EYS: variants seen among roughly 807,000 people sequenced by gnomAD.
EYS encodes the protein EGF-like photoreceptor maintenance factor.
A neutral mutation model predicts 282.1 loss-of-function variants in EYS; 250 were observed. That is an observed-to-expected ratio of 0.89 (90% confidence interval 0.80 to 0.98). The LOEUF is 0.98. Ranked by LOEUF, EYS falls within the 50% of genes least tolerant of loss-of-function variation. The pLI, the probability that EYS is intolerant of heterozygous loss-of-function variation, is 0.00. For missense variants in EYS, 4,016 were observed against 3,709.0 expected (o/e 1.08, Z -2.15); for synonymous variants, 1,355 against 1,282.9 (o/e 1.06, Z -1.20).
At chr6:64,330,035 A>G (rs891935903) in intron 29 of EYS, among the ~76,000 whole-genome samples, 1 of 152,178 alleles carries the variant, frequency 6.6e-6, no homozygotes, top group Non-Finnish European at 1.5e-5. Context: ...AGGAAGCACT[A>G]GCCCAGACCT....
intron 7 of EYS, among the ~76,000 whole-genome samples, chr6:65,393,782 A>G (rs1171293419): frequency 6.6e-6 from 1 of 152,086 alleles, no homozygotes; most frequent in African/African-American, 2.4e-5. Flanking sequence ...TTATGTTAAT[A>G]CATCAAATTG....
intron 26 of EYS, among the ~76,000 whole-genome samples, chr6:64,465,505 G>C (rs141024685): frequency 3.5e-3 from 535 of 152,178 alleles, no homozygotes; most frequent in Middle Eastern, 6.8e-3. Flanking sequence ...AGGAAAGAAT[G>C]ATATCTTTTA....
At chr6:65,498,698 T>C (rs1354939315) in intron 2 of EYS, among the ~76,000 whole-genome samples, 1 of 151,998 alleles carries the variant, frequency 6.6e-6, no homozygotes, top group African/African-American at 2.4e-5. Context: ...ATTAAGTCAA[T>C]GTATATCTAT....
intron 29 of EYS, among the ~76,000 whole-genome samples, chr6:64,349,154 C>A (rs1310018873): frequency 1.3e-5 from 2 of 151,324 alleles, no homozygotes; most frequent in Admixed American, 6.6e-5. Context: ...ATAAGAATAA[C>A]TGCATTGTAG....
chr6:64,219,542 T>C (rs915226588), intron 31 of EYS, among the ~76,000 whole-genome samples: 5 of 152,228 alleles, frequency 3.3e-5, no homozygotes, highest in African/African-American at 1.2e-4. Flanking sequence ...CCTTTGGGTA[T>C]ATACCCAGTA....
intron 22 of EYS, among the ~76,000 whole-genome samples, chr6:64,644,478 A>G (rs1768282553): frequency 6.6e-6 from 1 of 152,126 alleles, no homozygotes; most frequent in South Asian, 2.1e-4. Context: ...GAATGTATGA[A>G]TTTTTTATAT....
chr6:64,554,226 C>G (rs1009030331), intron 26 of EYS, among the ~76,000 whole-genome samples: 3 of 152,110 alleles, frequency 2.0e-5, no homozygotes, highest in South Asian at 2.1e-4. Flanking sequence ...AAACAACACC[C>G]TACTTATGAA....
At chr6:63,779,343 A>C (rs1237997624) in intron 39 of EYS, 1 of 151,602 alleles carries the variant, frequency 6.6e-6, no homozygotes, top group Non-Finnish European at 1.5e-5. Flanking sequence ...AGTCCCAGCT[A>C]CTCGGGAGGC....
intron 26 of EYS, among the ~76,000 whole-genome samples, chr6:64,473,478 A>C (rs1776179636): frequency 6.6e-6 from 1 of 152,194 alleles, no homozygotes; most frequent in Non-Finnish European, 1.5e-5. Flanking sequence ...TGAATGAAAA[A>C]TTTGCTAATA....
At chr6:64,417,952 A>G (rs1338607601) in intron 28 of EYS, among the ~76,000 whole-genome samples, 4 of 152,162 alleles carry the variant, frequency 2.6e-5, no homozygotes, top group Non-Finnish European at 5.9e-5. Context: ...GATTACAGGC[A>G]CGAGCCACTG....
chr6:65,593,126 C>A (rs561651759), intron 2 of EYS, among the ~76,000 whole-genome samples: 9 of 152,034 alleles, frequency 5.9e-5, no homozygotes, highest in South Asian at 4.1e-4. Flanking sequence ...GTCTCTGATG[C>A]GTAACCATTA....
At chr6:64,008,191 G>A (rs960855051) in intron 33 of EYS, among the ~76,000 whole-genome samples, 1 of 151,914 alleles carries the variant, frequency 6.6e-6, no homozygotes, top group African/African-American at 2.4e-5. Flanking sequence ...GAATGATTAG[G>A]TCTTTTTTTC....
intron 26 of EYS, among the ~76,000 whole-genome samples, chr6:64,587,003 CAA>C (rs1169642202): frequency 3.3e-5 from 5 of 152,014 alleles, no homozygotes; most frequent in African/African-American, 9.7e-5. Context: ...TTAAATCACA[CAA>C]AGTCATGCAG....
At chr6:63,966,866 T>C (rs1766335442) in intron 35 of EYS, among the ~76,000 whole-genome samples, 1 of 152,220 alleles carries the variant, frequency 6.6e-6, no homozygotes, top group Non-Finnish European at 1.5e-5. Context: ...CTGGCAATAA[T>C]ACAGTGGTTT....
At chr6:63,912,395 T>A (rs429523) in intron 35 of EYS, among the ~76,000 whole-genome samples, 107,149 of 152,028 alleles carry the variant, frequency 0.7, 37,906 homozygotes, top group Non-Finnish European at 0.73. Flanking sequence ...TGAAATTAAT[T>A]TTAATAATAT....
chr6:65,687,565 T>G lies in EYS; in HGVS notation c.-448+19570A>C, dbSNP rs532180968. 5.3e-5 allele frequency among the ~76,000 whole-genome samples: 8 copies of G among 152,144 alleles called. No homozygotes were observed. In the East Asian group the frequency reaches 1.5e-3, roughly 29 times the overall value. On this transcript the variant is annotated intron_variant, in intron 1 of 42. Transcript: ENST00000503581. ...TCTCACCACTCCTATTCAACATAGTTTGGAAGTTCTGGCCAGGACAATCAG... is the reference window on the plus strand; with the variant it reads ...TCTCACCACTCCTATTCAACATAGTGTGGAAGTTCTGGCCAGGACAATCAG...
chr6:63,873,573 C>A (rs1280505895), intron 35 of EYS, among the ~76,000 whole-genome samples: 3 of 152,022 alleles, frequency 2.0e-5, no homozygotes, highest in Non-Finnish European at 1.5e-5. Flanking sequence ...TTGAGGAATC[C>A]CCCACACTGT....
chr6:64,109,757 G>A (rs1773146685), intron 31 of EYS, among the ~76,000 whole-genome samples: 1 of 152,120 alleles, frequency 6.6e-6, no homozygotes, highest in Non-Finnish European at 1.5e-5. Context: ...CCACTTACAT[G>A]CCTGGTCTTT....
Position 65,003,238 on chromosome 6 carries a change from G to A in EYS, c.2138-5535C>T, listed in dbSNP as rs771773015. Among the ~76,000 whole-genome samples, 12 of 147,354 alleles carry A rather than the reference G, an allele frequency of 8.1e-5. 1 individual carries two copies. Among genetic ancestry groups the A allele is most frequent in the Non-Finnish European group, 1.7e-4 (11 of 65,824 alleles). On this transcript the variant is annotated intron_variant, in intron 13 of 42. Coordinates refer to ENST00000503581, the MANE Select transcript of EYS (RefSeq NM_001142800.2). ...AAAGAGAATGTGCACCTGGGGGTGG[G>A]TCTCTGAACTGGCCCCCCTGGGCGT...
Sources: gnomAD v4.1 joint callset for allele counts (sites outside exome capture counted in the v4.1 genomes callset) on GRCh38, gnomAD v4.1.1 for gene constraint, MANE v1.5 for transcripts, NCBI Gene and HGNC (gene_info 2026-07-23, HGNC 2026-07-21) for gene names.